Variants in PBX1 observed in about 807,000 individuals in gnomAD.
PBX1 encodes PBX homeobox 1, also known as pre-B-cell leukemia transcription factor 1.
A neutral mutation model predicts 53.4 loss-of-function variants in PBX1; 6 were observed. The ratio of observed to expected loss-of-function variants is 0.11; its 90% CI spans 0.06 to 0.22. PBX1 has a LOEUF of 0.22. Among genes scored for constraint, PBX1 ranks in the 10% least tolerant of loss-of-function variants. PBX1 has a pLI of 1.00. For missense variants in PBX1, 251 were observed against 551.4 expected (o/e 0.46, Z 5.46); for synonymous variants, 204 against 212.3 (o/e 0.96, Z 0.34).
At chr1:164,790,864 C>T (rs1281817965) in intron 2 of PBX1, among the ~76,000 whole-genome samples, 1 of 152,158 alleles carries the variant, frequency 6.6e-6, no homozygotes, top group Non-Finnish European at 1.5e-5. Context: ...CTCATCTTCA[C>T]CTTCCCTGTT....
rs571026737 is a variant in PBX1, at chr1:164,827,080, T to A, written c.1200+5454T>A. 8.4e-4 allele frequency among the ~76,000 whole-genome samples: 128 copies of A among 152,318 alleles called. 1 individual carries two copies. Among genetic ancestry groups the A allele is most frequent in the Non-Finnish European group, 9.3e-4 (63 of 68,024 alleles). ...GGACAAAAATAGCCTCCTATTTAAATGAACATATTTCAGACATTTGGATAC... is the reference window on the plus strand; with the variant it reads ...GGACAAAAATAGCCTCCTATTTAAAAGAACATATTTCAGACATTTGGATAC... On this transcript the variant is annotated intron_variant, in intron 8 of 8. Coordinates refer to ENST00000420696, the MANE Select transcript of PBX1 (RefSeq NM_002585.4).
chr1:164,708,697 G>A (rs948530501), intron 2 of PBX1, among the ~76,000 whole-genome samples: 58 of 152,110 alleles, frequency 3.8e-4, no homozygotes, highest in African/African-American at 1.7e-4. Context: ...AATGGCCTCC[G>A]GCTGCATCCA....
intron 2 of PBX1, chr1:164,700,682 A>T (rs1663067551): frequency 8.1e-6 from 8 of 985,396 alleles, no homozygotes; most frequent in Non-Finnish European, 4.8e-6. Flanking sequence ...AGATAGGATG[A>T]TGGAAGGGGA....
rs191762838 is a variant in PBX1, at chr1:164,654,974, G to C, written c.265+91663G>C. On this transcript the variant is annotated intron_variant, in intron 2 of 8. Coordinates refer to ENST00000420696, the MANE Select transcript of PBX1 (RefSeq NM_002585.4). ...TGGGAATGGAAGATGGGCTCCTAGC[G>C]TGGCCTTCTTGGGTCAAGGATGGCA... is the stretch of plus-strand genomic sequence containing the variant. 4.5e-3 allele frequency among the ~76,000 whole-genome samples: 680 copies of C among 152,266 alleles called. 1 individual carries two copies. The highest frequency in any genetic ancestry group is 8.0e-3 in the Non-Finnish European group (547 of 68,030).
At position 164,870,325 on chromosome 1, in the gene PBX1, CTT is replaced by C. The variant is rs1558053764; in HGVS notation, n.258-28861_258-28860del. Among the ~76,000 whole-genome samples, 3 of 100,952 alleles carry C rather than the reference CTT, an allele frequency of 3.0e-5. 1 individual carries two copies. The highest frequency in any genetic ancestry group is 4.2e-5 in the African/African-American group (1 of 23,840). 66.2% of individuals were successfully genotyped at this position (100,952 alleles called of 152,430 possible). A position where few individuals can be genotyped will look rare whatever the true frequency, so the allele number is the denominator to read the frequency against. ...TCTTTCTTTCTTTCTTTCTTTCTTT[CTT>C]TCTTTCTTTCTTTCTTTCTTTCTTT... is the stretch of plus-strand genomic sequence containing the variant. On this transcript the variant is annotated intron_variant and non_coding_transcript_variant, in intron 2 of 2. Coordinates refer to the PBX1 transcript ENST00000558796.
intron 2 of PBX1, among the ~76,000 whole-genome samples, chr1:164,789,968 CT>C (rs59415842): frequency 3.8e-4 from 57 of 150,098 alleles, no homozygotes; most frequent in Admixed American, 1.9e-3. Context: ...AGAGGCGATT[CT>C]TTTTTTTTTC....
chr1:164,711,210 C>T (rs1663747834), intron 2 of PBX1, among the ~76,000 whole-genome samples: 1 of 152,210 alleles, frequency 6.6e-6, no homozygotes, highest in East Asian at 1.9e-4. Flanking sequence ...ACCAAGACCT[C>T]TGCTGACCCA....
chr1:164,634,641 A>G (rs1180968521), intron 2 of PBX1, among the ~76,000 whole-genome samples: 1 of 152,156 alleles, frequency 6.6e-6, no homozygotes, highest in Non-Finnish European at 1.5e-5. Flanking sequence ...TCAAAAAGGA[A>G]GTGTTGGCTC....
chr1:164,838,610 A>G (rs1038347047), intron 8 of PBX1, among the ~76,000 whole-genome samples: 1 of 152,178 alleles, frequency 6.6e-6, no homozygotes, highest in Non-Finnish European at 1.5e-5. Flanking sequence ...GAAAATTGAA[A>G]TGTCCAAAAA....
rs1484607121 is a variant in PBX1, at chr1:164,851,639, G to T, written c.*4963G>T. On this transcript the variant is annotated 3_prime_UTR_variant, in exon 9 of 9. Coordinates refer to ENST00000420696, the MANE Select transcript of PBX1 (RefSeq NM_002585.4). ...ATTATTCAGAATATAAACCTGCAAA[G>T]CTCTGCTCTGTTTTGGTTTTGAAAG... The T allele has an allele frequency of 5.4e-6, 1 of 184,010 alleles. No individual in the cohort carries two copies. Among genetic ancestry groups the T allele is most frequent in the East Asian group, 8.8e-5 (1 of 11,330 alleles). The allele number at this position is 184,010 out of a possible 1,614,324, so 11.4% of individuals were successfully genotyped here. A position where few individuals can be genotyped will look rare whatever the true frequency, so the allele number is the denominator to read the frequency against.
intron 6 of PBX1, chr1:164,815,556 G>A (rs1318605710): frequency 6.6e-6 from 1 of 152,238 alleles, no homozygotes; most frequent in Non-Finnish European, 1.5e-5. Flanking sequence ...AAGGAAAGAG[G>A]CTTAATTGAC....
At chr1:164,870,705 T>C (rs1232638069) in intron 2 of PBX1, among the ~76,000 whole-genome samples, 2 of 152,168 alleles carry the variant, frequency 1.3e-5, no homozygotes, top group Non-Finnish European at 2.9e-5. Flanking sequence ...ATTCTAACAT[T>C]TCTCTAGCTC....
At chr1:164,647,982 T>G (rs1659565729) in intron 2 of PBX1, among the ~76,000 whole-genome samples, 1 of 151,936 alleles carries the variant, frequency 6.6e-6, no homozygotes, top group South Asian at 2.1e-4. Context: ...GCCCGGCTAA[T>G]TTTTTTGTAT....
chr1:164,849,244 A>G lies in PBX1; in HGVS notation c.*2568A>G. 6.6e-7 allele frequency: 1 copy of G among 1,516,452 alleles called. No homozygotes were observed. The highest frequency in any genetic ancestry group is 8.8e-7 in the Non-Finnish European group (1 of 1,135,328). The allele number at this position is 1,516,452 out of a possible 1,614,324, so 93.9% of individuals were successfully genotyped here. A position where few individuals can be genotyped will look rare whatever the true frequency, so the allele number is the denominator to read the frequency against. On this transcript the variant is annotated 3_prime_UTR_variant, in exon 9 of 9. Transcript: ENST00000420696. ...AAGATCAGAACAGGGCTACATTTGC[A>G]CAGGCAGTTTCTCTCCGGGCCGTAG...
In PBX1 at chr1:164,850,751, A is replaced by G. The variant is rs974291658; in HGVS notation, c.*4075A>G. Reference sequence around the variant, plus strand: ...TGCAGTCCCTGAGAAAAATAAAATCAGGGACATACTTCTCCTTTTAGCCTT... The same window carrying G: ...TGCAGTCCCTGAGAAAAATAAAATCGGGGACATACTTCTCCTTTTAGCCTT... On this transcript the variant is annotated 3_prime_UTR_variant, in exon 9 of 9. Coordinates refer to ENST00000420696, the MANE Select transcript of PBX1 (RefSeq NM_002585.4). 9.9e-6 allele frequency: 2 copies of G among 202,684 alleles called. No homozygotes were observed. The highest frequency in any genetic ancestry group is 2.0e-5 in the Non-Finnish European group (2 of 98,702). 12.6% of individuals were successfully genotyped at this position (202,684 alleles called of 1,614,324 possible). A position where few individuals can be genotyped will look rare whatever the true frequency, so the allele number is the denominator to read the frequency against.
rs577178546 is a variant in PBX1, at chr1:164,563,017, G to C, written c.192-221G>C. The C allele has an allele frequency of 1.2e-5, 4 of 328,202 alleles. No individual in the cohort carries two copies. In the East Asian group the frequency reaches 1.5e-4, roughly 13 times the overall value. The allele number at this position is 328,202 out of a possible 1,614,324, so 20.3% of individuals were successfully genotyped here. ...AATGGGCATAATTTAGGTTAGTTCT[G>C]TTCTGTAGTTAAATCCCTACCCTCT... On this transcript the variant is annotated intron_variant, in intron 1 of 8. Coordinates refer to ENST00000420696, the MANE Select transcript of PBX1 (RefSeq NM_002585.4).
chr1:164,853,174 C>A (rs145770404), downstream of PBX1, among the ~76,000 whole-genome samples: 363 of 152,300 alleles, frequency 2.4e-3, 1 homozygote, highest in African/African-American at 8.6e-3. Context: ...CACATCTAGC[C>A]CACAGAAGGG....
intron 2 of PBX1, among the ~76,000 whole-genome samples, chr1:164,859,134 C>A (rs1230131320): frequency 6.6e-6 from 1 of 152,164 alleles, no homozygotes; most frequent in Non-Finnish European, 1.5e-5. Context: ...TTATTGATGA[C>A]AGAAGGGATA....
chr1:164,719,960 C>T (rs746196463), intron 2 of PBX1, among the ~76,000 whole-genome samples: 6 of 152,188 alleles, frequency 3.9e-5, no homozygotes, highest in Non-Finnish European at 7.3e-5. Flanking sequence ...TGAAATCCCA[C>T]GCTGACCTTT....
Sources: gnomAD v4.1 joint callset for allele counts (sites outside exome capture counted in the v4.1 genomes callset) on GRCh38, gnomAD v4.1.1 for gene constraint, MANE v1.5 for transcripts, NCBI Gene and HGNC (gene_info 2026-07-23, HGNC 2026-07-21) for gene names.